Variants in SPATA31H1 observed in about 807,000 individuals in gnomAD.
SPATA31H1 encodes the protein SPATA31 subfamily H member 1, also known as spermatogenesis-associated protein 31H1.
At chr2:27,564,911 AAATTAAAATTCTAC>A in the SPATA31H1 span, among the ~76,000 whole-genome samples, 1,333 of 152,282 alleles carry the variant, frequency 8.8e-3, 16 homozygotes, top group African/African-American at 0.029. Flanking sequence ...CTACAGAATA[AAATTAAAATTCTAC>A]CATTAGGCAT....
At chr2:27,543,331 A>G in the SPATA31H1 span, among the ~76,000 whole-genome samples, 1 of 152,120 alleles carries the variant, frequency 6.6e-6, no homozygotes, top group Non-Finnish European at 1.5e-5. Context: ...TTTTAAAACA[A>G]TATCTTTTTA....
At chr2:27,541,101 T>G in the SPATA31H1 span, among the ~76,000 whole-genome samples, 1 of 142,816 alleles carries the variant, frequency 7.0e-6, no homozygotes, top group East Asian at 2.2e-4. Context: ...TGGGCACCAT[T>G]GAGCACTGAG....
the SPATA31H1 span, chr2:27,571,990 G>A: frequency 1.8e-5 from 7 of 398,372 alleles, no homozygotes; most frequent in Non-Finnish European, 2.7e-5. Flanking sequence ...GAGCAGCAAT[G>A]TGTGAATTTT....
chr2:27,549,803 C>T, the SPATA31H1 span, among the ~76,000 whole-genome samples: 7 of 151,674 alleles, frequency 4.6e-5, no homozygotes, highest in Non-Finnish European at 7.4e-5. Context: ...AGCAAGACTC[C>T]GCCTCAAAAA....
the SPATA31H1 span, among the ~76,000 whole-genome samples, chr2:27,555,908 C>A: frequency 6.6e-6 from 1 of 151,740 alleles, no homozygotes; most frequent in African/African-American, 2.4e-5. Flanking sequence ...CTGAGGCGAG[C>A]GGATCATGAG....
At chr2:27,567,058 T>C in the SPATA31H1 span, 1 of 717,454 alleles carries the variant, frequency 1.4e-6, no homozygotes, top group Non-Finnish European at 2.6e-6. Flanking sequence ...TCAAAAATTT[T>C]TCAGAATTTG....
At chr2:27,563,385 C>CTTTTTTTTTTTT in the SPATA31H1 span, among the ~76,000 whole-genome samples, 23 of 68,730 alleles carry the variant, frequency 3.3e-4, 5 homozygotes, top group African/African-American at 4.7e-4. Flanking sequence ...TCTTCTACTT[C>CTTTTTTTTTTTT]TTTTTTTTTT....
the SPATA31H1 span, among the ~76,000 whole-genome samples, chr2:27,564,820 T>C: frequency 2.6e-5 from 4 of 152,292 alleles, no homozygotes; most frequent in Non-Finnish European, 5.9e-5. Flanking sequence ...AAAAATTGTT[T>C]TATTTGAAAT....
At chr2:27,575,183 C>G in the SPATA31H1 span, 3 of 398,396 alleles carry the variant, frequency 7.5e-6, no homozygotes, top group African/African-American at 2.1e-5. The surrounding 1 kb of genome is among the most constrained non-coding windows in gnomAD (Gnocchi z 4.1). Flanking sequence ...CAGAAGGCAA[C>G]CATGACCCAG....
At chr2:27,579,216 C>T in the SPATA31H1 span, 4 of 1,614,154 alleles carry the variant, frequency 2.5e-6, no homozygotes, top group South Asian at 3.3e-5. Flanking sequence ...TGCCTGGAGG[C>T]AGCGACTACC....
At chr2:27,560,753 C>T in the SPATA31H1 span, among the ~76,000 whole-genome samples, 1 of 152,178 alleles carries the variant, frequency 6.6e-6, no homozygotes, top group Non-Finnish European at 1.5e-5. Context: ...CCACCGCGCC[C>T]AGCCTCCATA....
At chr2:27,569,709 C>A in the SPATA31H1 span, 1 of 398,848 alleles carries the variant, frequency 2.5e-6, no homozygotes, top group Non-Finnish European at 4.4e-6. Context: ...GGAGATGATG[C>A]CAGAGCTACC....
At chr2:27,562,243 T>A in the SPATA31H1 span, among the ~76,000 whole-genome samples, 2 of 152,170 alleles carry the variant, frequency 1.3e-5, no homozygotes, top group Admixed American at 6.5e-5. Flanking sequence ...TTTGTCATAT[T>A]AATTTTAGAG....
At chr2:27,579,982 A>G in the SPATA31H1 span, 5 of 1,614,218 alleles carry the variant, frequency 3.1e-6, no homozygotes, top group Non-Finnish European at 4.2e-6. Context: ...CATAAATTAC[A>G]GACCACTTCG....
chr2:27,541,269 C>CAA, the SPATA31H1 span, among the ~76,000 whole-genome samples: 1 of 151,806 alleles, frequency 6.6e-6, no homozygotes, highest in Non-Finnish European at 1.5e-5. Flanking sequence ...GCGGCGAGCG[C>CAA]CTGCAATCGC....
chr2:27,570,194 A>G, the SPATA31H1 span: 5 of 398,724 alleles, frequency 1.3e-5, no homozygotes, highest in Non-Finnish European at 2.2e-5. Context: ...TCGAAGATAT[A>G]AAGTCTCTAG....
the SPATA31H1 span, among the ~76,000 whole-genome samples, chr2:27,542,586 AG>A: frequency 2.3e-5 from 3 of 132,528 alleles, no homozygotes; most frequent in African/African-American, 1.2e-4. Flanking sequence ...GGATAGCGCC[AG>A]CCTAGACCTA....
chr2:27,542,189 G>T, the SPATA31H1 span, among the ~76,000 whole-genome samples: 1 of 151,982 alleles, frequency 6.6e-6, no homozygotes, highest in African/African-American at 2.4e-5. Context: ...TTGAGGTCAG[G>T]AGTTCGAGAC....
At chr2:27,566,722 C>T in the SPATA31H1 span, 1 of 613,636 alleles carries the variant, frequency 1.6e-6, no homozygotes, top group Non-Finnish European at 3.0e-6. Context: ...AAACATTTCT[C>T]TTTATTTCTT....
Sources: gnomAD v4.1 joint callset for allele counts (sites outside exome capture counted in the v4.1 genomes callset) on GRCh38, gnomAD v4.1.1 for gene constraint, Gnocchi (gnomAD v3.1) non-coding constraint, MANE v1.5 for transcripts, NCBI Gene and HGNC (gene_info 2026-07-23, HGNC 2026-07-21) for gene names.